The following COL28A1 variants were observed in gnomAD, a reference collection of about 807,000 sequenced individuals.
COL28A1 encodes the protein collagen type XXVIII alpha 1 chain.
In COL28A1, 161 loss-of-function variants were observed where a neutral mutation model predicts 150.2. The ratio of observed to expected loss-of-function variants is 1.07; its 90% CI spans 0.94 to 1.22. COL28A1 has a LOEUF of 1.22. COL28A1 is among the 50% of genes most tolerant of loss of function. The pLI, the probability that COL28A1 is intolerant of heterozygous loss-of-function variation, is 0.00. For missense variants in COL28A1, 1,617 were observed against 1,388.3 expected (o/e 1.16, Z -2.62); for synonymous variants, 552 against 469.7 (o/e 1.18, Z -2.26).
At chr7:7,520,408 T>C (rs115215836) in intron 5 of COL28A1, among the ~76,000 whole-genome samples, 1 of 152,186 alleles carries the variant, frequency 6.6e-6, no homozygotes, top group South Asian at 2.1e-4. Context: ...ATCAAACTCA[T>C]GCAAAGATTT....
the COL28A1 span, among the ~76,000 whole-genome samples, chr7:7,346,833 T>C: frequency 6.6e-6 from 1 of 152,050 alleles, no homozygotes; most frequent in African/African-American, 2.4e-5. Flanking sequence ...AAAAGGAAGA[T>C]AGCAAATATA....
intron 16 of COL28A1, among the ~76,000 whole-genome samples, chr7:7,454,776 T>G (rs950238125): frequency 1.3e-5 from 2 of 152,208 alleles, no homozygotes; most frequent in African/African-American, 4.8e-5. Context: ...AGTAAGCCCC[T>G]GCTAAAACCA....
chr7:7,533,040 A>G (rs1222444190), intron 1 of COL28A1, 128 bp from the exon 2 acceptor site: 2 of 1,036,062 alleles, frequency 1.9e-6, no homozygotes, highest in African/African-American at 1.6e-5. Flanking sequence ...ATATTTCTAG[A>G]AAAATATTCA....
intron 18 of COL28A1, 145 bp from the exon 19 acceptor site, chr7:7,444,634 G>A (rs1786111038): frequency 1.3e-6 from 1 of 746,826 alleles, no homozygotes; most frequent in Non-Finnish European, 2.1e-6. Flanking sequence ...ATCTTGGGAA[G>A]CTACTTAACA....
At chr7:7,459,654 T>C (rs953431826) in intron 15 of COL28A1, among the ~76,000 whole-genome samples, 4 of 152,228 alleles carry the variant, frequency 2.6e-5, no homozygotes, top group African/African-American at 7.2e-5. Flanking sequence ...GTAGCTCCTA[T>C]CACCAGCTCC....
intron 15 of COL28A1, among the ~76,000 whole-genome samples, chr7:7,472,006 T>C (rs1788474148): frequency 6.6e-6 from 1 of 152,186 alleles, no homozygotes; most frequent in African/African-American, 2.4e-5. Flanking sequence ...AAAATTGGCA[T>C]ACAAGGAGCA....
rs201274143 is a variant in COL28A1 at position 7,520,063 on chromosome 7, G to A, written c.812C>T (p.Pro271Leu). The A allele has an allele frequency of 2.2e-5, 30 of 1,346,230 alleles. No homozygotes were observed. Among genetic ancestry groups the A allele is most frequent in the South Asian group, 4.7e-5 (4 of 84,328 alleles). The allele number at this position is 1,346,230 out of a possible 1,614,324, so 83.4% of individuals were successfully genotyped here. A position where few individuals can be genotyped will look rare whatever the true frequency, so the allele number is the denominator to read the frequency against. The change falls in exon 6 of 35, where the codon CCG becomes CTG. Residue 271 changes from proline (P) to leucine (L), a missense_variant and splice_region_variant. Coordinates refer to ENST00000399429, the MANE Select transcript of COL28A1 (RefSeq NM_001037763.3). ...IKGERGPKGN[P>L]GNAQKGEAGE... ...AAGAAAAGCTGTTTATTCATTTACCGGGTTTCCTTTTGGTCCTCGCTCACC... is the reference window on the plus strand; with the variant it reads ...AAGAAAAGCTGTTTATTCATTTACCAGGTTTCCTTTTGGTCCTCGCTCACC...
At chr7:7,363,142 T>C (rs1409975129) in intron 33 of COL28A1, among the ~76,000 whole-genome samples, 1 of 152,194 alleles carries the variant, frequency 6.6e-6, no homozygotes, top group African/African-American at 2.4e-5. Context: ...TTATCAAACA[T>C]AAAAGCCAAC....
intron 1 of COL28A1, 88 bp from the exon 2 acceptor site, chr7:7,533,000 C>A: frequency 7.8e-7 from 1 of 1,283,050 alleles, no homozygotes; most frequent in Non-Finnish European, 1.0e-6. Context: ...TGAAAACTGG[C>A]ATGTGACTGG....
intron 13 of COL28A1, among the ~76,000 whole-genome samples, chr7:7,478,925 C>A (rs974593002): frequency 1.3e-5 from 2 of 152,248 alleles, no homozygotes; most frequent in African/African-American, 4.8e-5. Context: ...GCCTCTCCCT[C>A]CACACCTCCC....
At chr7:7,486,551 C>T (rs556671184) in intron 13 of COL28A1, among the ~76,000 whole-genome samples, 41 of 152,246 alleles carry the variant, frequency 2.7e-4, no homozygotes, top group African/African-American at 7.5e-4. Flanking sequence ...TTCACTATTA[C>T]GCATAATGTT....
the COL28A1 span, among the ~76,000 whole-genome samples, chr7:7,340,305 T>C: frequency 6.6e-6 from 1 of 152,160 alleles, no homozygotes; most frequent in Non-Finnish European, 1.5e-5. Flanking sequence ...CTGTTTGAAC[T>C]TTCCAGTGTT....
At chr7:7,542,422 C>A in the COL28A1 span, among the ~76,000 whole-genome samples, 2 of 152,142 alleles carry the variant, frequency 1.3e-5, no homozygotes, top group Non-Finnish European at 2.9e-5. Flanking sequence ...ATTGTAAATA[C>A]AATTGTGAAA....
chr7:7,488,506 G>A (rs1779745606), intron 13 of COL28A1, among the ~76,000 whole-genome samples: 1 of 152,100 alleles, frequency 6.6e-6, no homozygotes, highest in South Asian at 2.1e-4. Context: ...TTTTCCCTAG[G>A]AGAATAATGA....
chr7:7,373,653 C>A lies in COL28A1; in HGVS notation c.2360-107G>T. ...ATGAACCTGAGACCTAAACTATTCT[C>A]TTCCTTTTCTGTGATTGTGAAAATA... On this transcript the variant is annotated intron_variant, in intron 31 of 34. Coordinates refer to ENST00000399429, the MANE Select transcript of COL28A1 (RefSeq NM_001037763.3). The surrounding 1 kb of genome is among the most constrained non-coding windows in gnomAD (Gnocchi z 4.1). 1.2e-6 allele frequency: 1 copy of A among 835,850 alleles called. No individual in the cohort carries two copies. The highest frequency in any genetic ancestry group is 1.9e-6 in the Non-Finnish European group (1 of 537,446). 51.8% of individuals were successfully genotyped at this position (835,850 alleles called of 1,614,324 possible). A position where few individuals can be genotyped will look rare whatever the true frequency, so the allele number is the denominator to read the frequency against.
the COL28A1 span, among the ~76,000 whole-genome samples, chr7:7,350,542 T>G: frequency 6.6e-6 from 1 of 152,144 alleles, no homozygotes; most frequent in Non-Finnish European, 1.5e-5. Context: ...CTATACCAAT[T>G]CCAATATTTA....
intron 25 of COL28A1, among the ~76,000 whole-genome samples, chr7:7,421,501 G>A (rs1784388281): frequency 6.6e-6 from 1 of 151,974 alleles, no homozygotes. Context: ...AAGAACCAGG[G>A]TCAGGCTTTG....
At chr7:7,360,284 A>G (rs2128277726) in intron 34 of COL28A1, 106 bp downstream of exon 34, 1 of 1,144,090 alleles carries the variant, frequency 8.7e-7, no homozygotes, top group Non-Finnish European at 1.2e-6. Flanking sequence ...CCTTCCTCAC[A>G]TTGTAGATAC....
At chr7:7,511,537 A>G (rs929009039) in intron 8 of COL28A1, 1 of 300,082 alleles carries the variant, frequency 3.3e-6, no homozygotes, top group Non-Finnish European at 6.6e-6. Flanking sequence ...ACTCAACAAG[A>G]TAATTTCCCT....
Sources: allele counts gnomAD v4.1 joint callset (sites outside exome capture counted in the v4.1 genomes callset), GRCh38; gene constraint gnomAD v4.1.1; non-coding constraint Gnocchi (gnomAD v3.1); transcripts MANE v1.5; gene names NCBI Gene and HGNC (gene_info 2026-07-23, HGNC 2026-07-21).